URAD: variants seen among roughly 807,000 people sequenced by gnomAD.
URAD encodes the protein ureidoimidazoline (2-oxo-4-hydroxy-4-carboxy-5-) decarboxylase.
Under a neutral mutation model 4.6 loss-of-function variants are expected in URAD, and 4 were observed. That is an observed-to-expected ratio of 0.87 (90% CI 0.43 to 1.98). URAD has a LOEUF of 1.98. Ranked by LOEUF, URAD falls within the 30% of genes most tolerant of loss-of-function variation. URAD has a pLI of 0.03. For missense variants in URAD, 300 were observed against 255.3 expected, an observed-to-expected ratio of 1.18 and a Z score of -1.19; for synonymous variants, 144 against 118.2, an observed-to-expected ratio of 1.22 and a Z score of -1.41.
In URAD at chr13:27,978,399, G is replaced by A; in HGVS notation, c.229C>T (p.Arg77Trp). The A allele has an allele frequency of 1.4e-6, 2 of 1,395,276 alleles. No homozygotes were observed. The highest frequency in any genetic ancestry group is 1.9e-6 in the Non-Finnish European group (2 of 1,079,866). 86.4% of individuals were successfully genotyped at this position (1,395,276 alleles called of 1,614,324 possible). A position where few individuals can be genotyped will look rare whatever the true frequency, so the allele number is the denominator to read the frequency against. The change falls in exon 2 of 2, where the codon CGG becomes TGG. Residue 77 changes from arginine to tryptophan, a missense_variant. Coordinates refer to ENST00000332715, the MANE Select transcript of URAD (RefSeq NM_001105577.2). The stretch of plus-strand genomic sequence containing the variant: ...TGCGACTCGGCCGTGAGCGTGCCCC[G>A]CTGCAGCTCGCTGCCCGCCAGGTCC... ...HPDLAGSELQ[R>W]GTLTAESQRE...
intron 1 of URAD, among the ~76,000 whole-genome samples, chr13:27,986,341 CAG>C (rs1265694090): frequency 6.6e-6 from 1 of 152,152 alleles, no homozygotes; most frequent in Non-Finnish European, 1.5e-5. Context: ...AGCCAGGAGA[CAG>C]AGGTTTCATC....
At chr13:27,984,805 C>T (rs928068557) in intron 1 of URAD, among the ~76,000 whole-genome samples, 1 of 151,950 alleles carries the variant, frequency 6.6e-6, no homozygotes, top group African/African-American at 2.4e-5. Flanking sequence ...GGTGAAACCC[C>T]GTCTCTAGTT....
Position 27,988,547 on chromosome 13 carries a change from C to T in URAD, c.91G>A (p.Ala31Thr). Reference sequence around the variant, plus strand: ...GAGAATGGCCGCTGGGACCAAACAGCAGCTGCAATCAGAGGACATCTCTCA... The same window carrying T: ...GAGAATGGCCGCTGGGACCAAACAGTAGCTGCAATCAGAGGACATCTCTCA... The part of the protein sequence containing the change: ...ATERCPLIAA[A>T]VWSQRPFSDL... Residue 31 changes from alanine (A) to threonine (T), a missense_variant, in exon 1 of 2, where the codon GCT (alanine) becomes ACT (threonine). Ala to Thr is a moderately conservative substitution (Grantham distance 58). Transcript: ENST00000332715. 1.2e-6 allele frequency: 2 copies of T among 1,613,940 alleles called. No homozygotes were observed. The highest frequency in any genetic ancestry group is 1.7e-6 in the Non-Finnish European group (2 of 1,179,856).
intron 1 of URAD, among the ~76,000 whole-genome samples, chr13:27,978,786 G>T (rs564440899): frequency 6.6e-5 from 10 of 152,210 alleles, no homozygotes; most frequent in Admixed American, 5.2e-4. Flanking sequence ...GAGAGAGGGC[G>T]GCCGCTGAGG....
At chr13:27,983,189 A>C (rs1313879786) in intron 1 of URAD, among the ~76,000 whole-genome samples, 6 of 151,806 alleles carry the variant, frequency 4.0e-5, no homozygotes, top group Non-Finnish European at 7.4e-5. Flanking sequence ...TCTGTGCCCC[A>C]AAAATGTCGA....
At chr13:27,987,562 T>G (rs925741574) in intron 1 of URAD, among the ~76,000 whole-genome samples, 2 of 152,216 alleles carry the variant, frequency 1.3e-5, no homozygotes, top group African/African-American at 4.8e-5. Context: ...CCCTGGGCTC[T>G]GGAGATAGTC....
chr13:27,988,554 A>C lies in URAD; in HGVS notation c.84T>G (p.Ile28Met). Residue 28 changes from isoleucine to methionine, a missense_variant, in exon 1 of 2, where the codon ATT becomes ATG. By Grantham distance (10) the Ile-to-Met change is conservative. Transcript: ENST00000332715. ...FGNATERCPL[I>M]AAAVWSQRPF... ...GCCGCTGGGACCAAACAGCAGCTGC[A>C]ATCAGAGGACATCTCTCAGTGGCAT... 1 of 1,613,960 alleles carries C rather than the reference A, an allele frequency of 6.2e-7. No homozygotes were observed.
At chr13:27,986,301 G>A (rs564866681) in intron 1 of URAD, among the ~76,000 whole-genome samples, 15 of 152,278 alleles carry the variant, frequency 9.9e-5, no homozygotes, top group African/African-American at 3.6e-4. Flanking sequence ...CCAACATCCT[G>A]TTCACTCTGT....
chr13:27,980,792 C>A (rs980221461), intron 1 of URAD, among the ~76,000 whole-genome samples: 2 of 152,120 alleles, frequency 1.3e-5, no homozygotes, highest in Admixed American at 6.5e-5. Context: ...GAGCCCCCTT[C>A]TTGCCCTTGG....
intron 1 of URAD, among the ~76,000 whole-genome samples, chr13:27,985,845 T>C (rs1870012156): frequency 6.6e-6 from 1 of 152,210 alleles, no homozygotes; most frequent in Non-Finnish European, 1.5e-5. Context: ...TTCCTCATTT[T>C]ATAGGGATAT....
chr13:27,981,957 C>T (rs1218422239), intron 1 of URAD, among the ~76,000 whole-genome samples: 1 of 152,152 alleles, frequency 6.6e-6, no homozygotes, highest in Non-Finnish European at 1.5e-5. Flanking sequence ...AGAGTTGTCT[C>T]CTGGCCTCTC....
At chr13:27,985,406 C>G (rs1176282579) in intron 1 of URAD, among the ~76,000 whole-genome samples, 1 of 151,870 alleles carries the variant, frequency 6.6e-6, no homozygotes, top group African/African-American at 2.4e-5. Context: ...TGCAGTGAGC[C>G]AAGATGGTGC....
chr13:27,982,551 ATG>A (rs1020959926), intron 1 of URAD, among the ~76,000 whole-genome samples: 97 of 152,306 alleles, frequency 6.4e-4, no homozygotes, highest in African/African-American at 2.3e-3. Flanking sequence ...GTTTACACCA[ATG>A]TACTTACTAA....
At chr13:27,986,259 C>G (rs1364302844) in intron 1 of URAD, among the ~76,000 whole-genome samples, 1 of 152,210 alleles carries the variant, frequency 6.6e-6, no homozygotes, top group Non-Finnish European at 1.5e-5. Context: ...GAAACGATTT[C>G]ATGCATTCAT....
chr13:27,978,084 G>C lies in URAD; in HGVS notation c.*22C>G. 3 of 1,448,550 alleles carry C rather than the reference G, an allele frequency of 2.1e-6. No homozygotes were observed. Among genetic ancestry groups the C allele is most frequent in the Non-Finnish European group, 2.7e-6 (3 of 1,115,500 alleles). 89.7% of individuals were successfully genotyped at this position (1,448,550 alleles called of 1,614,324 possible). A position where few individuals can be genotyped will look rare whatever the true frequency, so the allele number is the denominator to read the frequency against. ...CCCCGCGCGTCCGGTTGTGCGTCCCGGGTCCCTGGCCCGCGCGGCAGCTAC... is the reference window on the plus strand; with the variant it reads ...CCCCGCGCGTCCGGTTGTGCGTCCCCGGTCCCTGGCCCGCGCGGCAGCTAC... On this transcript the variant is annotated 3_prime_UTR_variant, in exon 2 of 2. Coordinates refer to ENST00000332715, the MANE Select transcript of URAD (RefSeq NM_001105577.2).
At chr13:27,978,785 C>T (rs961680264) in intron 1 of URAD, among the ~76,000 whole-genome samples, 1 of 151,974 alleles carries the variant, frequency 6.6e-6, no homozygotes, top group Non-Finnish European at 1.5e-5. Context: ...AGAGAGAGGG[C>T]GGCCGCTGAG....
At position 27,978,246 on chromosome 13, in the gene URAD, G is replaced by T. The variant is rs1209678094; in HGVS notation, c.382C>A (p.Arg128=). 2 of 1,451,632 alleles carry T rather than the reference G, an allele frequency of 1.4e-6. No individual in the cohort carries two copies. Among genetic ancestry groups the T allele is most frequent in the Non-Finnish European group, 1.8e-6 (2 of 1,111,744 alleles). The allele number at this position is 1,451,632 out of a possible 1,614,324, so 89.9% of individuals were successfully genotyped here. A position where few individuals can be genotyped will look rare whatever the true frequency, so the allele number is the denominator to read the frequency against. The change falls in exon 2 of 2, where the codon CGG becomes AGG. Residue 128 remains arginine, a synonymous_variant. Coordinates refer to ENST00000332715, the MANE Select transcript of URAD (RefSeq NM_001105577.2). ...GCCAGCTCGCGCGGCACCGCCGTCC[G>T]GTCGCTGAAGCGCGCGGCGAGCACG... The part of the protein sequence containing the change: ...PFVLAARFSD[R]TAVPRELARR...
At chr13:27,985,482 C>T (rs1467954191) in intron 1 of URAD, among the ~76,000 whole-genome samples, 1 of 152,042 alleles carries the variant, frequency 6.6e-6, no homozygotes, top group Non-Finnish European at 1.5e-5. Context: ...ATAAAAAAGC[C>T]TACTTTCTTG....
chr13:27,978,083 C>A lies in URAD; in HGVS notation c.*23G>T. 1 of 1,446,104 alleles carries A rather than the reference C, an allele frequency of 6.9e-7. No homozygotes were observed. The highest frequency in any genetic ancestry group is 9.0e-7 in the Non-Finnish European group (1 of 1,114,138). 89.6% of individuals were successfully genotyped at this position (1,446,104 alleles called of 1,614,324 possible). Reference sequence around the variant, plus strand: ...CCCCCGCGCGTCCGGTTGTGCGTCCCGGGTCCCTGGCCCGCGCGGCAGCTA... The same window carrying A: ...CCCCCGCGCGTCCGGTTGTGCGTCCAGGGTCCCTGGCCCGCGCGGCAGCTA... On this transcript the variant is annotated 3_prime_UTR_variant, in exon 2 of 2. Coordinates refer to ENST00000332715, the MANE Select transcript of URAD (RefSeq NM_001105577.2).
Sources: gnomAD v4.1 joint callset for allele counts (sites outside exome capture counted in the v4.1 genomes callset) on GRCh38, gnomAD v4.1.1 for gene constraint, MANE v1.5 for transcripts, NCBI Gene and HGNC (gene_info 2026-07-23, HGNC 2026-07-21) for gene names.